Variants in GPM6B observed in about 807,000 individuals in gnomAD.
The protein encoded by GPM6B is neuronal membrane glycoprotein M6-b.
In GPM6B, 4 loss-of-function variants were observed where a neutral mutation model predicts 27.2. The observed-to-expected ratio is 0.15, with a 90% confidence interval of 0.07 to 0.34. The LOEUF (loss-of-function observed/expected upper bound fraction) is 0.34. GPM6B is among the 10% of genes least tolerant of loss of function. GPM6B has a pLI of 1.00. For synonymous variants in GPM6B, 124 were observed against 103.1 expected, an observed-to-expected ratio of 1.20 and a Z score of -1.23; for missense variants, 183 against 261.9, an observed-to-expected ratio of 0.70 and a Z score of 2.08.
chrX:13,911,505 G>A (rs768721123), intron 1 of GPM6B, among the ~76,000 whole-genome samples: 6 of 112,068 alleles, frequency 5.4e-5, no homozygotes, highest in South Asian at 3.7e-4. Flanking sequence ...TAGTTACTGC[G>A]GTTAAAGAAC....
At chrX:13,936,729 G>C (rs892385242) in intron 1 of GPM6B, among the ~76,000 whole-genome samples, 1 of 112,083 alleles carries the variant, frequency 8.9e-6, no homozygotes, top group Non-Finnish European at 1.9e-5. Context: ...GCCAACAATT[G>C]TCCAAAACAC....
upstream of GPM6B, among the ~76,000 whole-genome samples, chrX:13,819,056 C>T (rs747468440): frequency 2.8e-4 from 31 of 112,311 alleles, no homozygotes; most frequent in African/African-American, 1.0e-3. Context: ...ATATGAAAGA[C>T]ATTCTTAATT....
In GPM6B at chrX:13,773,979, T is replaced by TTTC. The variant is rs869053023; in HGVS notation, c.838-950_838-949insGAA. On this transcript the variant is annotated intron_variant, in intron 7 of 7. Transcript: ENST00000316715. Reference sequence around the variant, plus strand: ...TTTTTTTTTTTTTTTTTTTTTTTTTTCCAGAGAACTGGGTGACCTTTTTCT... The same window carrying TTTC: ...TTTTTTTTTTTTTTTTTTTTTTTTTTTTCCCAGAGAACTGGGTGACCTTTTTCT... 6.8e-5 allele frequency: 47 copies of TTTC among 688,669 alleles called. No homozygotes were observed. The Admixed American group carries it at 1.1e-3, about 16-fold the overall frequency. The allele number at this position is 688,669 out of a possible 1,213,427, so 56.8% of individuals were successfully genotyped here. A position where few individuals can be genotyped will look rare whatever the true frequency, so the allele number is the denominator to read the frequency against.
At chrX:13,839,515 C>T (rs16979308) in intron 1 of GPM6B, among the ~76,000 whole-genome samples, 1,945 of 111,683 alleles carry the variant, frequency 0.017, 42 homozygotes, top group African/African-American at 0.06. Flanking sequence ...TTCAGCGATA[C>T]ACCACACTGG....
At chrX:13,904,664 A>T (rs1397696444) in intron 1 of GPM6B, among the ~76,000 whole-genome samples, 1 of 111,096 alleles carries the variant, frequency 9.0e-6, no homozygotes, top group African/African-American at 3.3e-5. Context: ...CTCTTTGCAG[A>T]CACAGTTTGC....
At chrX:13,877,242 A>T (rs1000394452) in intron 1 of GPM6B, among the ~76,000 whole-genome samples, 2 of 112,011 alleles carry the variant, frequency 1.8e-5, no homozygotes, top group African/African-American at 6.5e-5. Context: ...ATATGGGACG[A>T]AACAAACCTA....
In GPM6B at chrX:13,807,186, G is replaced by A. The variant is rs142112047; in HGVS notation, c.181+464C>T. On this transcript the variant is annotated intron_variant, in intron 2 of 7. Transcript: ENST00000316715. ...CTTTCTCAAAGGCAATGACTGAGGT[G>A]AGAGGGTGGTGCAGAGCAGCAGGGC... 6.6e-3 allele frequency among the ~76,000 whole-genome samples: 740 copies of A among 112,475 alleles called. 7 individuals are homozygous for A. Among genetic ancestry groups the A allele is most frequent in the African/African-American group, 0.023 (703 of 30,999 alleles).
intron 1 of GPM6B, among the ~76,000 whole-genome samples, chrX:13,832,733 C>T (rs751927426): frequency 3.0e-4 from 34 of 111,665 alleles, no homozygotes; most frequent in African/African-American, 1.0e-3. Context: ...TCATTTAGGT[C>T]CTTTAATCCA....
chrX:13,781,150 CT>C (rs1160370542), intron 4 of GPM6B: 1 of 188,908 alleles, frequency 5.3e-6, no homozygotes, highest in Non-Finnish European at 1.0e-5. Flanking sequence ...TTCAGTGAGC[CT>C]TCCCTTCTGT....
At chrX:13,855,036 TG>T (rs2049764508) in intron 1 of GPM6B, among the ~76,000 whole-genome samples, 1 of 107,546 alleles carries the variant, frequency 9.3e-6, no homozygotes, top group East Asian at 3.0e-4. Flanking sequence ...CTTTTTTTTT[TG>T]ACACAGAGTC....
intron 1 of GPM6B, among the ~76,000 whole-genome samples, chrX:13,900,234 G>C (rs1351315356): frequency 1.8e-5 from 2 of 112,007 alleles, no homozygotes; most frequent in African/African-American, 6.5e-5. Context: ...AATTTAATCA[G>C]TGACATTTAC....
At chrX:13,779,610 G>A (rs963260236) in intron 5 of GPM6B, among the ~76,000 whole-genome samples, 9 of 111,487 alleles carry the variant, frequency 8.1e-5, no homozygotes, top group African/African-American at 2.3e-4. Context: ...AAAATATAAC[G>A]AAATTTTGAT....
chrX:13,903,860 C>T (rs891841726), intron 1 of GPM6B, among the ~76,000 whole-genome samples: 4 of 111,382 alleles, frequency 3.6e-5, no homozygotes, highest in African/African-American at 1.3e-4. Flanking sequence ...GCTTTGAAGG[C>T]TGGGTGGAAT....
At chrX:13,932,311 T>G (rs1921612818) in intron 1 of GPM6B, among the ~76,000 whole-genome samples, 1 of 111,880 alleles carries the variant, frequency 8.9e-6, no homozygotes, top group Admixed American at 9.5e-5. Context: ...CCTATCTTCC[T>G]GCTCATGCTT....
upstream of GPM6B, among the ~76,000 whole-genome samples, chrX:13,819,836 G>GA (rs781748108): frequency 8.9e-6 from 1 of 112,018 alleles, no homozygotes; most frequent in East Asian, 2.8e-4. Flanking sequence ...AAGAGAATTT[G>GA]AAAAAAGCTT....
intron 1 of GPM6B, among the ~76,000 whole-genome samples, chrX:13,904,971 G>A (rs2050314664): frequency 9.1e-6 from 1 of 110,269 alleles, no homozygotes; most frequent in Non-Finnish European, 1.9e-5. Context: ...GTGGTGGCTC[G>A]CACCTATAAT....
At chrX:13,874,371 T>C (rs752467531) in intron 1 of GPM6B, among the ~76,000 whole-genome samples, 1 of 110,740 alleles carries the variant, frequency 9.0e-6, no homozygotes, top group African/African-American at 3.3e-5. Flanking sequence ...TGGAAGGTGC[T>C]AGGGATACAA....
At chrX:13,804,553 T>C (rs1257251416) in intron 2 of GPM6B, among the ~76,000 whole-genome samples, 1 of 109,945 alleles carries the variant, frequency 9.1e-6, no homozygotes, top group Non-Finnish European at 1.9e-5. Flanking sequence ...AGAATAACTA[T>C]CTAACCCCTA....
intron 1 of GPM6B, among the ~76,000 whole-genome samples, chrX:13,929,396 A>G (rs1272934660): frequency 2.7e-5 from 3 of 109,129 alleles, no homozygotes; most frequent in South Asian, 4.0e-4. Flanking sequence ...GCTCCCCATT[A>G]TATCTCCAGA....
Sources: allele counts gnomAD v4.1 joint callset (sites outside exome capture counted in the v4.1 genomes callset), GRCh38; gene constraint gnomAD v4.1.1; transcripts MANE v1.5; gene names NCBI Gene and HGNC (gene_info 2026-07-23, HGNC 2026-07-21).